The following ROBO2 variants were observed in gnomAD, a reference collection of about 807,000 sequenced individuals.
ROBO2 encodes roundabout homolog 2.
ROBO2 carries 53 observed loss-of-function variants against 160.8 expected under a neutral mutation model. That is an observed-to-expected ratio of 0.33 (90% CI 0.26 to 0.41). The LOEUF is 0.41. Among genes scored for constraint, ROBO2 ranks in the 10% least tolerant of loss-of-function variants. The pLI is 1.00. For synonymous variants in ROBO2, 664 were observed against 611.7 expected, an observed-to-expected ratio of 1.09 and a Z score of -1.26; for missense variants, 1,577 against 1,722.4, an observed-to-expected ratio of 0.92 and a Z score of 1.49.
intron 2 of ROBO2, among the ~76,000 whole-genome samples, chr3:76,653,031 T>C: frequency 6.6e-6 from 1 of 152,270 alleles, no homozygotes; most frequent in South Asian, 2.1e-4. Flanking sequence ...AATTTCATTA[T>C]TCAGTAGCCC....
At chr3:76,338,611 G>A (rs1317411333) in intron 2 of ROBO2, among the ~76,000 whole-genome samples, 1 of 151,856 alleles carries the variant, frequency 6.6e-6, no homozygotes, top group Non-Finnish European at 1.5e-5. Context: ...AGGAGTTTGA[G>A]GTTACATTGA....
chr3:77,082,035 T>C (rs2068720420), intron 1 of ROBO2, among the ~76,000 whole-genome samples: 1 of 152,160 alleles, frequency 6.6e-6, no homozygotes, highest in South Asian at 2.1e-4. Context: ...TTAAAAACAA[T>C]GCAGAGCCGG....
chr3:76,913,161 A>G (rs1344943248), intron 2 of ROBO2, among the ~76,000 whole-genome samples: 2 of 152,180 alleles, frequency 1.3e-5, no homozygotes, highest in Non-Finnish European at 2.9e-5. Context: ...CGACTTTAAA[A>G]TCTGAAACTT....
chr3:76,922,876 T>G (rs2149001152), intron 2 of ROBO2, among the ~76,000 whole-genome samples: 1 of 152,330 alleles, frequency 6.6e-6, no homozygotes. Flanking sequence ...ATAGGGCTGT[T>G]ATTATTTCAT....
intron 2 of ROBO2, among the ~76,000 whole-genome samples, chr3:76,656,181 T>G (rs766980261): frequency 2.6e-5 from 4 of 152,150 alleles, no homozygotes; most frequent in African/African-American, 4.8e-5. Flanking sequence ...AAAAGCTTGT[T>G]GCTTTGTGAC....
chr3:76,604,839 T>A (rs1346075844), intron 2 of ROBO2, among the ~76,000 whole-genome samples: 1 of 152,152 alleles, frequency 6.6e-6, no homozygotes, highest in Non-Finnish European at 1.5e-5. Context: ...ACAGTTACAT[T>A]TTGGAAAGCC....
chr3:76,367,563 A>G (rs556549150), intron 2 of ROBO2, among the ~76,000 whole-genome samples: 17 of 152,100 alleles, frequency 1.1e-4, no homozygotes, highest in African/African-American at 4.1e-4. Context: ...ACTCAATGTT[A>G]TTTAAGTCAT....
At chr3:77,351,950 A>G (rs1037089624) in intron 2 of ROBO2, among the ~76,000 whole-genome samples, 32 of 150,462 alleles carry the variant, frequency 2.1e-4, no homozygotes, top group Non-Finnish European at 1.0e-4. Flanking sequence ...ACTGTTGTGG[A>G]GTGGGGGCAG....
chr3:77,562,199 C>T lies in ROBO2; in HGVS notation c.1438-452C>T, dbSNP rs114880046. Reference sequence around the variant, plus strand: ...CTTATTGTCTTATTGCTTATTTACTCGGGTATGTTTTATTCATTGAAACAT... The same window carrying T: ...CTTATTGTCTTATTGCTTATTTACTTGGGTATGTTTTATTCATTGAAACAT... On this transcript the variant is annotated intron_variant, in intron 9 of 25. Transcript: ENST00000461745. Among the ~76,000 whole-genome samples, 926 of 152,218 alleles carry T rather than the reference C, an allele frequency of 6.1e-3. 5 individuals carry two copies. Among genetic ancestry groups the T allele is most frequent in the Non-Finnish European group, 8.4e-3 (571 of 68,006 alleles).
intron 2 of ROBO2, among the ~76,000 whole-genome samples, chr3:76,142,755 A>G (rs2071724466): frequency 2.0e-5 from 3 of 151,964 alleles, no homozygotes; most frequent in African/African-American, 4.8e-5. Context: ...CGATAGGGTG[A>G]CTATAGTCAG....
intron 2 of ROBO2, among the ~76,000 whole-genome samples, chr3:76,954,791 C>G (rs6777168): frequency 6.6e-6 from 1 of 152,138 alleles, no homozygotes; most frequent in Non-Finnish European, 1.5e-5. Flanking sequence ...TCATGATGAA[C>G]AAAATCATTA....
intron 2 of ROBO2, among the ~76,000 whole-genome samples, chr3:76,707,731 G>GTGTGTATATATATA (rs376823667): frequency 3.0e-5 from 4 of 134,198 alleles, no homozygotes; most frequent in Non-Finnish European, 6.4e-5. Context: ...ACATGTGTGT[G>GTGTGTATATATATA]TATATATATA....
chr3:76,065,689 G>A (rs1319714265), intron 2 of ROBO2, among the ~76,000 whole-genome samples: 1 of 146,228 alleles, frequency 6.8e-6, no homozygotes, highest in Admixed American at 6.9e-5. Context: ...CCTGATATGG[G>A]TTTTCATATA....
At chr3:76,094,719 T>C (rs530533784) in intron 2 of ROBO2, among the ~76,000 whole-genome samples, 3 of 152,176 alleles carry the variant, frequency 2.0e-5, no homozygotes, top group Non-Finnish European at 4.4e-5. Context: ...ATAACAAAAC[T>C]ATGTAAATAT....
At chr3:76,360,357 A>C (rs1220712923) in intron 2 of ROBO2, among the ~76,000 whole-genome samples, 3 of 152,058 alleles carry the variant, frequency 2.0e-5, no homozygotes, top group Non-Finnish European at 4.4e-5. Context: ...GAACAATGTT[A>C]TTTTAGATAT....
intron 2 of ROBO2, among the ~76,000 whole-genome samples, chr3:76,304,770 C>T (rs2071250110): frequency 7.0e-6 from 1 of 142,548 alleles, no homozygotes; most frequent in Non-Finnish European, 1.5e-5. Context: ...TTCTTTCTTT[C>T]TTTCTTTCTT....
intron 5 of ROBO2, among the ~76,000 whole-genome samples, chr3:77,511,969 G>T (rs2089445518): frequency 6.6e-6 from 1 of 151,890 alleles, no homozygotes; most frequent in African/African-American, 2.4e-5. Context: ...GAAGTTGCTT[G>T]CAACCTCATC....
At chr3:76,701,108 A>G (rs1008310277) in intron 2 of ROBO2, among the ~76,000 whole-genome samples, 2 of 152,106 alleles carry the variant, frequency 1.3e-5, no homozygotes, top group African/African-American at 4.8e-5. Context: ...ACAGCACCAA[A>G]GAATAAAAAA....
Position 77,355,859 on chromosome 3 carries a change from A to G in ROBO2, c.389-121555A>G, listed in dbSNP as rs531755620. Reference sequence around the variant, plus strand: ...AGCCAGGGAGAAACATTAATAGCATATATAACCAAGTATTGATGTACACAC... The same window carrying G: ...AGCCAGGGAGAAACATTAATAGCATGTATAACCAAGTATTGATGTACACAC... On this transcript the variant is annotated intron_variant, in intron 2 of 25. Transcript: ENST00000461745. 3.3e-5 allele frequency among the ~76,000 whole-genome samples: 5 copies of G among 152,160 alleles called. No individual in the cohort carries two copies. In the South Asian group the frequency reaches 1.0e-3, roughly 32 times the overall value.
Sources: gnomAD v4.1 joint callset for allele counts (sites outside exome capture counted in the v4.1 genomes callset) on GRCh38, gnomAD v4.1.1 for gene constraint, MANE v1.5 for transcripts, NCBI Gene and HGNC (gene_info 2026-07-23, HGNC 2026-07-21) for gene names.